The following FOXP1 variants were observed in gnomAD, a reference collection of about 807,000 sequenced individuals.
The protein encoded by FOXP1 is forkhead box protein P1.
Under a neutral mutation model 98.2 loss-of-function variants are expected in FOXP1, and 15 were observed. The ratio of observed to expected loss-of-function variants is 0.15; its 90% CI spans 0.10 to 0.24. The LOEUF (loss-of-function observed/expected upper bound fraction) is 0.24, where lower values mean the gene tolerates loss of function less well. Ranked by LOEUF, FOXP1 falls within the 10% of genes least tolerant of loss-of-function variation. FOXP1 has a pLI of 1.00. For synonymous variants in FOXP1, 371 were observed against 314.5 expected, an observed-to-expected ratio of 1.18 and a Z score of -1.90; for missense variants, 633 against 848.5, an observed-to-expected ratio of 0.75 and a Z score of 3.15.
intron 4 of FOXP1, among the ~76,000 whole-genome samples, chr3:71,352,006 A>C (rs2077814752): frequency 6.6e-6 from 1 of 152,230 alleles, no homozygotes; most frequent in South Asian, 2.1e-4. Context: ...AAAGCATTTG[A>C]AGAAGTCTAG....
intron 6 of FOXP1, among the ~76,000 whole-genome samples, chr3:71,188,553 G>C (rs995854974): frequency 6.6e-6 from 1 of 152,038 alleles, no homozygotes; most frequent in Non-Finnish European, 1.5e-5. Flanking sequence ...TAGTAGCTGG[G>C]ATCACAGGTG....
intron 7 of FOXP1, among the ~76,000 whole-genome samples, chr3:71,073,174 G>C (rs956392966): frequency 1.3e-5 from 2 of 152,068 alleles, no homozygotes; most frequent in East Asian, 3.9e-4. Flanking sequence ...TTTTGAGATG[G>C]GTCAGAACAC....
rs2090383535 is a variant in FOXP1, at chr3:71,482,848, T to TA, written c.-168+10577dup. Among the ~76,000 whole-genome samples the TA allele has an allele frequency of 2.6e-5, 4 of 151,902 alleles. No homozygotes were observed. In the South Asian group the frequency reaches 8.3e-4, roughly 32 times the overall value. The stretch of plus-strand genomic sequence containing the variant: ...TTCTTATGTCACTTTTTTTTTTTTT[T>TA]AGACCAACGTCTGGCTCTGTCACCC... On this transcript the variant is annotated intron_variant, in intron 3 of 20. Transcript: ENST00000649528.
intron 11 of FOXP1, among the ~76,000 whole-genome samples, chr3:71,019,014 T>C (rs2044978329): frequency 6.6e-6 from 1 of 152,216 alleles, no homozygotes; most frequent in Non-Finnish European, 1.5e-5. Flanking sequence ...TGGGACTCGC[T>C]TCTAGCTTTG....
chr3:71,533,698 A>G (rs1413896880), intron 2 of FOXP1, among the ~76,000 whole-genome samples: 1 of 152,346 alleles, frequency 6.6e-6, no homozygotes, highest in African/African-American at 2.4e-5. Context: ...GGGCAATAGC[A>G]AAGATTGGGA....
intron 2 of FOXP1, among the ~76,000 whole-genome samples, chr3:71,556,151 T>C (rs917235872): frequency 3.6e-4 from 54 of 152,038 alleles, no homozygotes; most frequent in Non-Finnish European, 1.2e-4. Flanking sequence ...ACATCACATA[T>C]AAAAACCCTG....
intron 3 of FOXP1, among the ~76,000 whole-genome samples, chr3:71,489,969 C>T (rs189927767): frequency 6.6e-6 from 1 of 152,252 alleles, no homozygotes; most frequent in African/African-American, 2.4e-5. Flanking sequence ...AAACACTTCA[C>T]TCAGAATTAG....
intron 6 of FOXP1, among the ~76,000 whole-genome samples, chr3:71,121,959 T>G (rs2058809260): frequency 6.6e-6 from 1 of 152,176 alleles, no homozygotes; most frequent in Non-Finnish European, 1.5e-5. Flanking sequence ...TTTTTTGCAA[T>G]TGCCTTTTAT....
At chr3:71,398,671 C>A (rs1357879306) in intron 3 of FOXP1, among the ~76,000 whole-genome samples, 6 of 152,284 alleles carry the variant, frequency 3.9e-5, no homozygotes, top group African/African-American at 1.4e-4. Context: ...AAGCTTTTAA[C>A]AACCACATCT....
At chr3:71,441,093 C>T (rs2085894509) in intron 3 of FOXP1, among the ~76,000 whole-genome samples, 1 of 152,156 alleles carries the variant, frequency 6.6e-6, no homozygotes, top group East Asian at 1.9e-4. Context: ...AAACTTTTTT[C>T]AGCTGCCTCT....
chr3:71,056,099 C>T (rs1300349295), intron 7 of FOXP1, among the ~76,000 whole-genome samples: 1 of 152,192 alleles, frequency 6.6e-6, no homozygotes, highest in Non-Finnish European at 1.5e-5. Context: ...GTGGTGCTCA[C>T]ACACGTGTAT....
chr3:71,199,360 C>G (rs1181351151), intron 5 of FOXP1, among the ~76,000 whole-genome samples: 1 of 152,116 alleles, frequency 6.6e-6, no homozygotes, highest in Non-Finnish European at 1.5e-5. Context: ...CCGTCTCGGC[C>G]TCCCGAAGTG....
chr3:71,483,420 C>G (rs2090430435), intron 3 of FOXP1, among the ~76,000 whole-genome samples: 1 of 152,170 alleles, frequency 6.6e-6, no homozygotes. Context: ...CCGGTCCTCG[C>G]CACTACTTCC....
intron 2 of FOXP1, among the ~76,000 whole-genome samples, chr3:71,564,887 GGTGGATCACCT>G (rs1330262164): frequency 6.6e-6 from 1 of 152,148 alleles, no homozygotes; most frequent in African/African-American, 2.4e-5. Flanking sequence ...GGCTGAGGTG[GGTGGATCACCT>G]GAGGTCAGGA....
At chr3:70,962,819 A>C (rs2033863614) in intron 20 of FOXP1, among the ~76,000 whole-genome samples, 1 of 152,238 alleles carries the variant, frequency 6.6e-6, no homozygotes, top group South Asian at 2.1e-4. Context: ...GAAGAAATAG[A>C]ACCATCCATC....
At chr3:70,996,848 G>A (rs1478077488) in intron 13 of FOXP1, among the ~76,000 whole-genome samples, 2 of 152,160 alleles carry the variant, frequency 1.3e-5, no homozygotes, top group South Asian at 2.1e-4. Context: ...GAACACTTAC[G>A]TACCATGCTG....
chr3:71,524,984 C>T (rs1195050947), intron 2 of FOXP1, among the ~76,000 whole-genome samples: 4 of 152,144 alleles, frequency 2.6e-5, no homozygotes, highest in African/African-American at 7.2e-5. Context: ...TCACATCCCA[C>T]GGATAACAAT....
intron 4 of FOXP1, among the ~76,000 whole-genome samples, chr3:71,354,694 C>T (rs970698492): frequency 1.3e-5 from 2 of 152,178 alleles, no homozygotes; most frequent in African/African-American, 2.4e-5. Context: ...CAGAAGAAAG[C>T]AGAAGATGAG....
chr3:71,093,868 T>C (rs1001012744), intron 7 of FOXP1, among the ~76,000 whole-genome samples: 6 of 152,222 alleles, frequency 3.9e-5, no homozygotes, highest in African/African-American at 1.4e-4. Flanking sequence ...TTGATGGTGA[T>C]GGTAACGATA....
Sources: allele counts gnomAD v4.1 joint callset (sites outside exome capture counted in the v4.1 genomes callset), GRCh38; gene constraint gnomAD v4.1.1; transcripts MANE v1.5; gene names NCBI Gene and HGNC (gene_info 2026-07-23, HGNC 2026-07-21).